The following SLC14A2 variants were observed in gnomAD, a reference collection of about 807,000 sequenced individuals.
SLC14A2 encodes the protein urea transporter 2.
A neutral mutation model predicts 104.6 loss-of-function variants in SLC14A2; 91 were observed. The ratio of observed to expected loss-of-function variants is 0.87; its 90% CI spans 0.73 to 1.04. The LOEUF is 1.04. Ranked by LOEUF, SLC14A2 falls within the 50% of genes least tolerant of loss-of-function variation. The probability of loss-of-function intolerance (pLI) is 0.00; values close to 1 mark genes in which losing one functional copy is unlikely to be tolerated. For missense variants in SLC14A2, 1,189 were observed against 1,156.0 expected (o/e 1.03, Z -0.41); for synonymous variants, 476 against 466.4 (o/e 1.02, Z -0.27).
chr18:45,610,893 A>G (rs527475350), upstream of SLC14A2, among the ~76,000 whole-genome samples: 37 of 152,232 alleles, frequency 2.4e-4, no homozygotes, highest in Non-Finnish European at 4.3e-4. Context: ...GGATAAAAGC[A>G]TGACTTAGGG....
intron 2 of SLC14A2, among the ~76,000 whole-genome samples, chr18:45,597,169 A>G (rs1299123236): frequency 3.3e-5 from 5 of 152,198 alleles, no homozygotes. Flanking sequence ...TCTACCAAAA[A>G]TACAAAAATT....
chr18:45,293,382 A>G (rs1568138648), intron 1 of SLC14A2, among the ~76,000 whole-genome samples: 1 of 152,178 alleles, frequency 6.6e-6, no homozygotes, highest in Non-Finnish European at 1.5e-5. Context: ...TGGACACAAC[A>G]CTTGTCTTCA....
chr18:45,377,249 A>T (rs1471028618), intron 1 of SLC14A2, among the ~76,000 whole-genome samples: 1 of 144,638 alleles, frequency 6.9e-6, no homozygotes, highest in African/African-American at 2.5e-5. Flanking sequence ...CTCAGGGGTG[A>T]TTTTTTTTTT....
chr18:45,585,132 C>T (rs111481161), intron 2 of SLC14A2, among the ~76,000 whole-genome samples: 4 of 131,166 alleles, frequency 3.0e-5, no homozygotes, highest in African/African-American at 1.1e-4. Flanking sequence ...ACCTCTTTGA[C>T]ACCATGTCCT....
At chr18:45,449,152 C>T (rs887835508) in intron 1 of SLC14A2, among the ~76,000 whole-genome samples, 1 of 152,200 alleles carries the variant, frequency 6.6e-6, no homozygotes, top group African/African-American at 2.4e-5. Context: ...GCTTCATCTG[C>T]CCTGCAGTAT....
chr18:45,549,790 C>T (rs1228531116), intron 2 of SLC14A2, among the ~76,000 whole-genome samples: 1 of 152,136 alleles, frequency 6.6e-6, no homozygotes, highest in Non-Finnish European at 1.5e-5. Context: ...GGTTTTCTTA[C>T]ATGTATGGTT....
chr18:45,448,753 T>C (rs2086812077), intron 1 of SLC14A2, among the ~76,000 whole-genome samples: 1 of 152,220 alleles, frequency 6.6e-6, no homozygotes, highest in African/African-American at 2.4e-5. Context: ...CATGTATTTA[T>C]TTTTAACTCC....
At chr18:45,208,048 G>A (rs947429209), upstream of SLC14A2, among the ~76,000 whole-genome samples, 51 of 152,198 alleles carry the variant, frequency 3.4e-4, no homozygotes, top group African/African-American at 1.1e-3. Context: ...TTTTCACTAT[G>A]AATTGTCCTC....
chr18:45,664,079 G>A (rs2045974884), intron 11 of SLC14A2, among the ~76,000 whole-genome samples, 172 bp downstream of exon 11: 1 of 152,140 alleles, frequency 6.6e-6, no homozygotes, highest in Non-Finnish European at 1.5e-5. Flanking sequence ...GCGTCTGGAT[G>A]CCCCCTGGGT....
intron 1 of SLC14A2, among the ~76,000 whole-genome samples, chr18:45,359,731 A>T (rs1002524264): frequency 6.6e-6 from 1 of 152,158 alleles, no homozygotes; most frequent in Non-Finnish European, 1.5e-5. Context: ...AGCACAAATT[A>T]TGGCAAGCTG....
chr18:45,200,085 A>AT, the SLC14A2 span, among the ~76,000 whole-genome samples: 2 of 151,928 alleles, frequency 1.3e-5, no homozygotes, highest in Admixed American at 6.6e-5. Context: ...GGATCCTTGA[A>AT]TTTTTTTCTT....
In SLC14A2 at chr18:45,296,123, A is replaced by G. The variant is rs185824475; in HGVS notation, c.-125+82932A>G. On this transcript the variant is annotated intron_variant, in intron 1 of 20. Coordinates refer to the SLC14A2 transcript ENST00000586448. ...TGCATTAAACAAGGCTTAATTGAGC[A>G]CCAGACATGCAATTCAGCAAATATT... Among the ~76,000 whole-genome samples, 737 of 152,326 alleles carry G rather than the reference A, an allele frequency of 4.8e-3. 17 individuals carry two copies. Among genetic ancestry groups the G allele is most frequent in the Admixed American group, 0.043 (661 of 15,294 alleles).
intron 1 of SLC14A2, among the ~76,000 whole-genome samples, chr18:45,351,744 G>T (rs139707618): frequency 6.6e-6 from 1 of 152,306 alleles, no homozygotes; most frequent in Admixed American, 6.5e-5. Flanking sequence ...GAAGGGAAAT[G>T]TTTCCCTCTG....
intron 2 of SLC14A2, among the ~76,000 whole-genome samples, chr18:45,483,902 A>G (rs2087544636): frequency 6.6e-6 from 1 of 152,222 alleles, no homozygotes; most frequent in Admixed American, 6.5e-5. Flanking sequence ...GCTGCTCAAG[A>G]TGGATGCGCT....
At chr18:45,490,260 G>A (rs1356614958) in intron 2 of SLC14A2, among the ~76,000 whole-genome samples, 1 of 152,222 alleles carries the variant, frequency 6.6e-6, no homozygotes, top group Non-Finnish European at 1.5e-5. Context: ...TATAGGGATA[G>A]AGAGACCAGT....
At chr18:45,647,042 C>T (rs926605778) in intron 10 of SLC14A2, 8 of 152,114 alleles carry the variant, frequency 5.3e-5, no homozygotes, top group Admixed American at 5.2e-4. Flanking sequence ...CCTATCTCAC[C>T]CATCTTCCAC....
At chr18:45,406,919 G>C (rs990811418) in intron 1 of SLC14A2, among the ~76,000 whole-genome samples, 1 of 152,078 alleles carries the variant, frequency 6.6e-6, no homozygotes, top group Non-Finnish European at 1.5e-5. Flanking sequence ...AGGCTTTGTA[G>C]TTCCACTGAT....
At chr18:45,536,534 G>C (rs1247005275) in intron 2 of SLC14A2, among the ~76,000 whole-genome samples, 1 of 152,138 alleles carries the variant, frequency 6.6e-6, no homozygotes, top group East Asian at 1.9e-4. Context: ...GGCCTTCTCT[G>C]TGTGTGTCTC....
intron 5 of SLC14A2, among the ~76,000 whole-genome samples, chr18:45,633,178 G>C (rs1446528299): frequency 1.3e-5 from 2 of 152,200 alleles, no homozygotes; most frequent in African/African-American, 4.8e-5. Flanking sequence ...GGCATGCAGA[G>C]ATTAAGTCAC....
Sources: allele counts gnomAD v4.1 joint callset (sites outside exome capture counted in the v4.1 genomes callset), GRCh38; gene constraint gnomAD v4.1.1; transcripts MANE v1.5; gene names NCBI Gene and HGNC (gene_info 2026-07-23, HGNC 2026-07-21).